The following SYTL2 variants were observed in gnomAD, a reference collection of about 807,000 sequenced individuals.
SYTL2 encodes the protein synaptotagmin like 2, also known as synaptotagmin-like protein 2.
In SYTL2, 165 loss-of-function variants were observed where a neutral mutation model predicts 198.7. That is an observed-to-expected ratio of 0.83 (90% CI 0.73 to 0.94). The LOEUF (loss-of-function observed/expected upper bound fraction) is 0.94. Among genes scored for constraint, SYTL2 ranks in the 40% least tolerant of loss-of-function variants. The pLI is 0.00. For missense variants in SYTL2, 2,835 were observed against 2,582.8 expected (o/e 1.10, Z -2.12); for synonymous variants, 966 against 917.7 (o/e 1.05, Z -0.95).
At chr11:85,765,492 C>T (rs1412920827) in intron 1 of SYTL2, among the ~76,000 whole-genome samples, 1 of 152,230 alleles carries the variant, frequency 6.6e-6, no homozygotes, top group Non-Finnish European at 1.5e-5. Context: ...ACCTTGTCCT[C>T]CCAAAGTGCT....
intron 13 of SYTL2, among the ~76,000 whole-genome samples, chr11:85,709,862 T>C (rs2085946217): frequency 6.6e-6 from 1 of 152,116 alleles, no homozygotes. Context: ...TTTATATTTT[T>C]AGTAGAGATG....
intron 1 of SYTL2, among the ~76,000 whole-genome samples, chr11:85,807,990 T>C (rs1303072793): frequency 6.6e-6 from 1 of 152,178 alleles, no homozygotes; most frequent in Non-Finnish European, 1.5e-5. Context: ...TTAATATAGA[T>C]GCAAAGAAAA....
At chr11:85,814,149 T>C (rs1300233031), upstream of SYTL2, among the ~76,000 whole-genome samples, 1 of 152,206 alleles carries the variant, frequency 6.6e-6, no homozygotes, top group Non-Finnish European at 1.5e-5. Context: ...TGTTAGCTAA[T>C]GGTGTGATAA....
At chr11:85,766,213 G>A (rs186990094) in intron 1 of SYTL2, among the ~76,000 whole-genome samples, 1 of 152,264 alleles carries the variant, frequency 6.6e-6, no homozygotes, top group South Asian at 2.1e-4. Context: ...AGTGTCAAGG[G>A]GGGGAGTTTG....
chr11:85,717,462 G>A (rs887479814), intron 11 of SYTL2, 21 bp downstream of exon 11: 4 of 1,605,798 alleles, frequency 2.5e-6, no homozygotes, highest in Non-Finnish European at 1.7e-6. Context: ...AGTCATTTGT[G>A]AGAAAGATCC....
intron 1 of SYTL2, among the ~76,000 whole-genome samples, chr11:85,789,377 T>A (rs1330969992): frequency 5.8e-5 from 3 of 51,798 alleles, no homozygotes; most frequent in African/African-American, 3.0e-4. Flanking sequence ...TATATATATA[T>A]GTATATATAT....
Position 85,694,974 on chromosome 11 carries a change from TC to T in SYTL2, c.*220del. The T allele has an allele frequency of 5.3e-6, 2 of 379,742 alleles. No individual in the cohort carries two copies. Among genetic ancestry groups the T allele is most frequent in the Non-Finnish European group, 9.3e-6 (2 of 216,162 alleles). The allele number at this position is 379,742 out of a possible 1,614,324, so 23.5% of individuals were successfully genotyped here. ...TCAATTTTCCTAGCTTGTTCAAATA[TC>T]TTATTTAATATTAGAGTCACAAATT... On this transcript the variant is annotated 3_prime_UTR_variant, in exon 20 of 20. Coordinates refer to ENST00000359152, the MANE Select transcript of SYTL2 (RefSeq NM_206927.4).
intron 8 of SYTL2, among the ~76,000 whole-genome samples, chr11:85,721,236 T>G (rs543839632): frequency 6.6e-6 from 1 of 152,334 alleles, no homozygotes; most frequent in Non-Finnish European, 1.5e-5. Flanking sequence ...TTACTCCTAT[T>G]TTAGACATAT....
At chr11:85,746,477 T>C (rs541458471) in intron 3 of SYTL2, among the ~76,000 whole-genome samples, 5 of 152,240 alleles carry the variant, frequency 3.3e-5, no homozygotes, top group African/African-American at 7.2e-5. Context: ...GTTCTTTGCA[T>C]GCATTATTCT....
At chr11:85,797,920 G>A (rs1038490341) in intron 1 of SYTL2, among the ~76,000 whole-genome samples, 1 of 151,850 alleles carries the variant, frequency 6.6e-6, no homozygotes, top group African/African-American at 2.4e-5. Context: ...GTGGTGCAAT[G>A]TCGGCTCACT....
rs143725166 is a variant in SYTL2, at chr11:85,697,988, A to G, written c.6359T>C (p.Phe2120Ser). 6 of 1,610,260 alleles carry G rather than the reference A, an allele frequency of 3.7e-6. No individual in the cohort carries two copies. In the African/African-American group the frequency reaches 8.0e-5, roughly 22 times the overall value. Residue 2120 changes from phenylalanine to serine, a missense_variant, in exon 18 of 20, where the codon TTT becomes TCT. Physicochemically the swap from Phe to Ser is radical, Grantham distance 155. Coordinates refer to ENST00000359152, the MANE Select transcript of SYTL2 (RefSeq NM_206927.4). ...PLLRGSHLNS[F>S]VKCTILPDTS... ...TCATCAATACTATTACCATTTAACA[A>G]AAGAATTTAGATGACTTCCCCTTAG...
chr11:85,820,472 C>T, the SYTL2 span, among the ~76,000 whole-genome samples: 3 of 152,186 alleles, frequency 2.0e-5, no homozygotes, highest in African/African-American at 7.2e-5. Context: ...CTATTTTCCA[C>T]CCCATAGAAG....
At chr11:85,723,746 G>A (rs868430559) in intron 8 of SYTL2, among the ~76,000 whole-genome samples, 7 of 152,080 alleles carry the variant, frequency 4.6e-5, no homozygotes, top group African/African-American at 4.8e-5. Flanking sequence ...GCTGTTTTAC[G>A]TAATGCATTT....
rs759821731 is a variant in SYTL2 at position 85,725,903 on chromosome 11, C to T, written c.3455G>A (p.Gly1152Asp). The T allele has an allele frequency of 8.1e-5, 131 of 1,613,878 alleles. 1 individual carries two copies. The highest frequency in any genetic ancestry group is 1.1e-4 in the Non-Finnish European group (127 of 1,179,992). The stretch of plus-strand genomic sequence containing the variant: ...CACTTGTTTTCCATGAACTTTTCCA[C>T]CAGAGGGTTGAATTGCTGGTGTTGA... Reference protein sequence around the residue: ...ETSTPAIQPSGGKVHGKQVLE... With the variant: ...ETSTPAIQPSDGKVHGKQVLE... The change falls in exon 8 of 20, where the codon GGT (glycine) becomes GAT (aspartate). Residue 1152 changes from glycine (G) to aspartate (D), a missense_variant. Around this residue, in one of 3 missense-constraint regions of SYTL2, gnomAD observed 2,645 missense variants for 2,381.7 expected, o/e 1.11. Transcript: ENST00000359152.
chr11:85,801,346 T>A (rs1388919702), intron 1 of SYTL2, among the ~76,000 whole-genome samples: 1 of 152,212 alleles, frequency 6.6e-6, no homozygotes, highest in Non-Finnish European at 1.5e-5. Context: ...GGTCCTTTGT[T>A]GAAAAGTGGT....
intron 4 of SYTL2, among the ~76,000 whole-genome samples, chr11:85,739,226 A>C (rs2090594611): frequency 6.6e-6 from 1 of 150,408 alleles, no homozygotes; most frequent in African/African-American, 2.4e-5. Flanking sequence ...CAGGAGAAGC[A>C]GCAACAGATA....
chr11:85,834,223 TG>T, the SYTL2 span, among the ~76,000 whole-genome samples: 2 of 152,074 alleles, frequency 1.3e-5, no homozygotes, highest in Non-Finnish European at 2.9e-5. Context: ...AAGAACAAAA[TG>T]GGACTACTAT....
chr11:85,727,012 G>A lies in SYTL2; in HGVS notation c.2346C>T (p.Asn782=), dbSNP rs1240264806. ...FQQEAGEVPK[N]QVQREKYKRV... ...TTTTGTATTTCTCTCTCTGCACTTG[G>A]TTCTTGGGAACCTCACCAGCTTCTT... Residue 782 remains asparagine (N), a synonymous_variant, in exon 8 of 20, where the codon AAC becomes AAT. Transcript: ENST00000359152. 1 of 1,536,458 alleles carries A rather than the reference G, an allele frequency of 6.5e-7. No homozygotes were observed. Among genetic ancestry groups the A allele is most frequent in the Non-Finnish European group, 8.7e-7 (1 of 1,146,966 alleles).
At chr11:85,807,286 T>C (rs1335568557) in intron 1 of SYTL2, among the ~76,000 whole-genome samples, 1 of 152,226 alleles carries the variant, frequency 6.6e-6, no homozygotes, top group Non-Finnish European at 1.5e-5. Context: ...TGAAGAAAAC[T>C]TGAGTCCCAA....
Sources: gnomAD v4.1 joint callset for allele counts (sites outside exome capture counted in the v4.1 genomes callset) on GRCh38, gnomAD v4.1.1 for gene constraint, gnomAD v4.1.1 regional missense constraint, MANE v1.5 for transcripts, NCBI Gene and HGNC (gene_info 2026-07-23, HGNC 2026-07-21) for gene names.